WDR33: variants seen among roughly 807,000 people sequenced by gnomAD.
The protein encoded by WDR33 is pre-mRNA 3' end processing protein WDR33.
WDR33 carries 47 observed loss-of-function variants against 164.9 expected under a neutral mutation model. That is an observed-to-expected ratio of 0.29 (90% confidence interval 0.23 to 0.36). WDR33 has a LOEUF of 0.36. Ranked by LOEUF, WDR33 falls within the 10% of genes least tolerant of loss-of-function variation. The probability of loss-of-function intolerance (pLI) is 1.00; values close to 1 mark genes in which losing one functional copy is unlikely to be tolerated. For missense variants in WDR33, 1,137 were observed against 1,754.1 expected, an observed-to-expected ratio of 0.65 and a Z score of 6.28; for synonymous variants, 505 against 589.0, an observed-to-expected ratio of 0.86 and a Z score of 2.06.
chr2:127,787,557 CCGGA>C (rs1157042265), intron 1 of WDR33, among the ~76,000 whole-genome samples: 1 of 117,238 alleles, frequency 8.5e-6, no homozygotes, highest in Admixed American at 7.6e-5. Flanking sequence ...CACCTCCCTC[CCGGA>C]CGGGGCGGCT....
At chr2:127,753,914 C>T (rs982008959) in intron 7 of WDR33, among the ~76,000 whole-genome samples, 2 of 152,060 alleles carry the variant, frequency 1.3e-5, no homozygotes, top group African/African-American at 4.8e-5. Context: ...CAAAGCCTAA[C>T]CTACCTAGTA....
intron 7 of WDR33, among the ~76,000 whole-genome samples, chr2:127,760,830 T>A (rs1687652382): frequency 6.6e-6 from 1 of 152,200 alleles, no homozygotes; most frequent in South Asian, 2.1e-4. Context: ...ACCCTAAAAG[T>A]ACCTGAAGGC....
At chr2:127,791,251 T>A (rs1292810536) in intron 1 of WDR33, among the ~76,000 whole-genome samples, 2 of 137,562 alleles carry the variant, frequency 1.5e-5, no homozygotes, top group Non-Finnish European at 3.0e-5. Flanking sequence ...CTCAAACTCC[T>A]GGGCTCAAGC....
Position 127,702,253 on chromosome 2 carries a change from G to A in WDR33, c.*4070C>T. On this transcript the variant is annotated 3_prime_UTR_variant, in exon 22 of 22. Coordinates refer to ENST00000322313, the MANE Select transcript of WDR33 (RefSeq NM_018383.5). Reference sequence around the variant, plus strand: ...GACCGCGCCGGCCGAGCTGAGGACTGCACGCCGCTGTGCGGAAGCCCGTGG... The same window carrying A: ...GACCGCGCCGGCCGAGCTGAGGACTACACGCCGCTGTGCGGAAGCCCGTGG... 1 of 1,155,272 alleles carries A rather than the reference G, an allele frequency of 8.7e-7. No individual in the cohort carries two copies. Among genetic ancestry groups the A allele is most frequent in the Non-Finnish European group, 1.1e-6 (1 of 926,950 alleles). 71.6% of individuals were successfully genotyped at this position (1,155,272 alleles called of 1,614,324 possible).
intron 1 of WDR33, among the ~76,000 whole-genome samples, chr2:127,792,744 A>T (rs993900542): frequency 6.6e-6 from 1 of 152,182 alleles, no homozygotes; most frequent in Admixed American, 6.5e-5. Flanking sequence ...CCATTCACAA[A>T]CTTTCCAAAT....
chr2:127,749,165 G>GT (rs1687246444), intron 7 of WDR33, among the ~76,000 whole-genome samples: 1 of 152,052 alleles, frequency 6.6e-6, no homozygotes, highest in African/African-American at 2.4e-5. Flanking sequence ...GTGACATCTT[G>GT]TATCTATTAA....
chr2:127,796,907 T>C lies in WDR33; in HGVS notation c.-24+14105A>G, dbSNP rs191958534. On this transcript the variant is annotated intron_variant, in intron 1 of 21. Coordinates refer to ENST00000322313, the MANE Select transcript of WDR33 (RefSeq NM_018383.5). ...AATAATTAACCGGAAAAACTGTCTG[T>C]TTCCCCAAGGTCAAACCATAATCAA... 2.4e-4 allele frequency among the ~76,000 whole-genome samples: 36 copies of C among 152,144 alleles called. No homozygotes were observed. In the East Asian group the frequency reaches 5.8e-3, roughly 24 times the overall value.
At position 127,792,798 on chromosome 2, in the gene WDR33, A is replaced by G. The variant is rs543240166; in HGVS notation, c.-24+18214T>C. On this transcript the variant is annotated intron_variant, in intron 1 of 21. Transcript: ENST00000322313. ...AGCAAATTAGGTAAATGATCAAGCT[A>G]TACTTTTCACTTGACGACTCTGTTA... Among the ~76,000 whole-genome samples the G allele has an allele frequency of 2.6e-5, 4 of 152,356 alleles. No homozygotes were observed. In the South Asian group the frequency reaches 8.3e-4, roughly 32 times the overall value.
Position 127,719,206 on chromosome 2 carries a change from A to C in WDR33, c.2760+59T>G. The C allele has an allele frequency of 7.3e-7, 1 of 1,362,238 alleles. No homozygotes were observed. Among genetic ancestry groups the C allele is most frequent in the Non-Finnish European group, 9.4e-7 (1 of 1,058,398 alleles). 84.4% of individuals were successfully genotyped at this position (1,362,238 alleles called of 1,614,324 possible). A position where few individuals can be genotyped will look rare whatever the true frequency, so the allele number is the denominator to read the frequency against. On this transcript the variant is annotated intron_variant, in intron 16 of 21. Transcript: ENST00000322313. This position sits in a 1 kb window ranked among gnomAD's most constrained non-coding sequence, Gnocchi z 6.5. Reference sequence around the variant, plus strand: ...ACCATTTTCCACAATACTCAGCAGTATTACTTCTGTGCAGAGTGTATTTTC... The same window carrying C: ...ACCATTTTCCACAATACTCAGCAGTCTTACTTCTGTGCAGAGTGTATTTTC...
chr2:127,730,178 TG>T (rs942798976), intron 7 of WDR33, among the ~76,000 whole-genome samples: 2 of 152,212 alleles, frequency 1.3e-5, no homozygotes, highest in Non-Finnish European at 2.9e-5. Context: ...TAAACTTACT[TG>T]ATAACAGTGG....
chr2:127,775,613 A>G (rs1688161680), intron 1 of WDR33, among the ~76,000 whole-genome samples: 1 of 152,372 alleles, frequency 6.6e-6, no homozygotes, highest in South Asian at 2.1e-4. Context: ...TATTTACTCT[A>G]CAAATATGAG....
intron 1 of WDR33, among the ~76,000 whole-genome samples, chr2:127,784,632 T>C (rs1341993585): frequency 6.6e-6 from 1 of 152,148 alleles, no homozygotes; most frequent in African/African-American, 2.4e-5. Flanking sequence ...CTACTCACCT[T>C]GACCTCCCAA....
intron 7 of WDR33, among the ~76,000 whole-genome samples, chr2:127,759,554 G>C (rs901397213): frequency 6.6e-6 from 1 of 151,984 alleles, no homozygotes; most frequent in African/African-American, 2.4e-5. Context: ...AGCCGGGCAT[G>C]GTGACACATG....
intron 7 of WDR33, chr2:127,736,236 G>A (rs1432699445): frequency 1.0e-6 from 1 of 985,292 alleles, no homozygotes; most frequent in East Asian, 1.1e-4. Context: ...TACTACATTT[G>A]TCTGGCAATG....
rs1358673729 is a variant in WDR33, at chr2:127,764,708, G to A, written c.626+120C>T. The A allele has an allele frequency of 3.1e-6, 5 of 1,612,872 alleles. No individual in the cohort carries two copies. Among genetic ancestry groups the A allele is most frequent in the Non-Finnish European group, 3.4e-6 (4 of 1,179,454 alleles). ...AACAAAGAAAAATATTGTGTTTATA[G>A]GGTGCAGAAAGTTTCCCAGAAACTG... On this transcript the variant is annotated intron_variant, in intron 6 of 21. Coordinates refer to ENST00000322313, the MANE Select transcript of WDR33 (RefSeq NM_018383.5). The surrounding 1 kb of genome is among the most constrained non-coding windows in gnomAD (Gnocchi z 6.2).
rs1174539929 is a variant in WDR33 at position 127,750,650 on chromosome 2, TAAAAAAAAA to T, written c.724+12403_724+12411del. ...GGGCAACAAGAGTGAAACTCCATCT[TAAAAAAAAA>T]AAAAAAAAAAAAAAAAAAATATATA... On this transcript the variant is annotated intron_variant, in intron 7 of 21. Coordinates refer to ENST00000322313, the MANE Select transcript of WDR33 (RefSeq NM_018383.5). Among the ~76,000 whole-genome samples the T allele has an allele frequency of 1.9e-3, 29 of 14,962 alleles. 1 individual carries two copies. The highest frequency in any genetic ancestry group is 0.015 in the South Asian group (5 of 342). 9.8% of individuals were successfully genotyped at this position (14,962 alleles called of 152,430 possible).
intron 7 of WDR33, chr2:127,737,590 A>G (rs1485772738): frequency 1.0e-6 from 1 of 995,616 alleles, no homozygotes; most frequent in Non-Finnish European, 1.2e-6. Flanking sequence ...CAGTACCTAC[A>G]CTACGTTAAT....
In WDR33 at chr2:127,741,292, G is replaced by A. The variant is rs1687007003; in HGVS notation, c.725-14515C>T. Among the ~76,000 whole-genome samples, 1 of 152,196 alleles carries A rather than the reference G, an allele frequency of 6.6e-6. No individual in the cohort carries two copies. The highest frequency in any genetic ancestry group is 2.1e-4 in the South Asian group (1 of 4,830). On this transcript the variant is annotated intron_variant, in intron 7 of 21. Transcript: ENST00000322313. The surrounding 1 kb of genome is among the most constrained non-coding windows in gnomAD (Gnocchi z 4.1). Reference sequence around the variant, plus strand: ...ATGACACTGAAAATGGAAAGAAGTGGAGGGCAAAGAGAGAATGGGAGAGGA... The same window carrying A: ...ATGACACTGAAAATGGAAAGAAGTGAAGGGCAAAGAGAGAATGGGAGAGGA...
chr2:127,707,242 A>AAG (rs1553470537), intron 21 of WDR33, among the ~76,000 whole-genome samples: 4 of 151,600 alleles, frequency 2.6e-5, no homozygotes, highest in African/African-American at 4.8e-5. Flanking sequence ...AAAAAAAAAA[A>AAG]AAAGAAAAAA....
Sources: gnomAD v4.1 joint callset for allele counts (sites outside exome capture counted in the v4.1 genomes callset) on GRCh38, gnomAD v4.1.1 for gene constraint, Gnocchi (gnomAD v3.1) non-coding constraint, MANE v1.5 for transcripts, NCBI Gene and HGNC (gene_info 2026-07-23, HGNC 2026-07-21) for gene names.